Variants in IKZF4 observed in about 807,000 individuals in gnomAD.
The protein encoded by IKZF4 is zinc finger protein Eos.
IKZF4 carries 11 observed loss-of-function variants against 47.7 expected under a neutral mutation model. The ratio of observed to expected loss-of-function variants is 0.23; its 90% CI spans 0.15 to 0.38. The LOEUF (loss-of-function observed/expected upper bound fraction) is 0.38, where lower values mean the gene tolerates loss of function less well. IKZF4 is among the 10% of genes least tolerant of loss of function. IKZF4 has a pLI of 1.00. For missense variants in IKZF4, 557 were observed against 784.9 expected, an observed-to-expected ratio of 0.71 and a Z score of 3.47; for synonymous variants, 298 against 299.4, an observed-to-expected ratio of 1.00 and a Z score of 0.05.
intron 5 of IKZF4, among the ~76,000 whole-genome samples, chr12:56,031,229 C>A (rs1894868328): frequency 6.6e-6 from 1 of 151,942 alleles, no homozygotes. Context: ...CCAGCCTAGG[C>A]AACAGAGTAA....
intron 1 of IKZF4, chr12:56,010,699 C>G: frequency 6.6e-6 from 1 of 152,160 alleles, no homozygotes; most frequent in East Asian, 1.9e-4. Flanking sequence ...GTAACTTGGA[C>G]TCTACATGTC....
Position 56,033,340 on chromosome 12 carries a change from A to G in IKZF4, c.997+19A>G. 6.2e-7 allele frequency: 1 copy of G among 1,613,750 alleles called. No homozygotes were observed. The highest frequency in any genetic ancestry group is 8.5e-7 in the Non-Finnish European group (1 of 1,179,722). Reference sequence around the variant, plus strand: ...TTTGTAGGTAAGAATCCAGTTGGAAAGACGTATCAGCTTTAAGCCACAGCT... The same window carrying G: ...TTTGTAGGTAAGAATCCAGTTGGAAGGACGTATCAGCTTTAAGCCACAGCT... On this transcript the variant is annotated intron_variant, in intron 7 of 7. Transcript: ENST00000547167.
At chr12:56,031,453 GT>G (rs965931142) in intron 5 of IKZF4, among the ~76,000 whole-genome samples, 3 of 152,100 alleles carry the variant, frequency 2.0e-5, no homozygotes, top group Non-Finnish European at 4.4e-5. Context: ...ATGTTAAACT[GT>G]TTCCCCAAGG....
Position 56,021,103 on chromosome 12 carries a change from G to T in IKZF4, c.-391G>T. On this transcript the variant is annotated 5_prime_UTR_variant, in exon 1 of 8. Transcript: ENST00000547167. Reference sequence around the variant, plus strand: ...TCCTCTTTGTCTGCTGGGCACGAGGGGCAACAGCATCTGCCTTTCCCTCCC... The same window carrying T: ...TCCTCTTTGTCTGCTGGGCACGAGGTGCAACAGCATCTGCCTTTCCCTCCC... 7.3e-7 allele frequency: 1 copy of T among 1,366,002 alleles called. No homozygotes were observed. Among genetic ancestry groups the T allele is most frequent in the Admixed American group, 3.3e-5 (1 of 30,574 alleles). 84.6% of individuals were successfully genotyped at this position (1,366,002 alleles called of 1,614,324 possible).
chr12:56,011,099 C>A (rs979865462), intron 1 of IKZF4: 2 of 152,196 alleles, frequency 1.3e-5, no homozygotes, highest in African/African-American at 4.8e-5. Flanking sequence ...AGTGCTAACC[C>A]TGTTTTGGGC....
Position 56,034,724 on chromosome 12 carries a change from T to C in IKZF4, c.1151T>C (p.Leu384Pro). The change falls in exon 8 of 8, where the codon CTC (leucine) becomes CCC (proline). Residue 384 changes from leucine to proline, a missense_variant. Coordinates refer to ENST00000547167, the MANE Select transcript of IKZF4 (RefSeq NM_022465.4). ...GTGGGTGCAGAGCATCTGCGTCCCC[T>C]CCGCCTTCCACCCACCAATTGCATC... ...AFVGAEHLRP[L>P]RLPPTNCISE... is the part of the protein sequence containing the mutation. 6.2e-7 allele frequency: 1 copy of C among 1,614,016 alleles called. No individual in the cohort carries two copies.
At chr12:56,009,514 C>T (rs11837183) in intron 1 of IKZF4, among the ~76,000 whole-genome samples, 10,989 of 152,170 alleles carry the variant, frequency 0.072, 1,336 homozygotes, top group African/African-American at 0.25. Context: ...CCAGAGAATC[C>T]AGACAGACCC....
At chr12:56,022,638 C>A (rs181186276) in intron 1 of IKZF4, among the ~76,000 whole-genome samples, 1 of 152,094 alleles carries the variant, frequency 6.6e-6, no homozygotes, top group Non-Finnish European at 1.5e-5. Context: ...ATTTTAGCCC[C>A]ATGAAAGTAG....
Position 56,021,735 on chromosome 12 carries a change from G to A in IKZF4, c.87+155G>A, listed in dbSNP as rs903079213. The A allele has an allele frequency of 3.3e-5, 30 of 917,396 alleles. No individual in the cohort carries two copies. The East Asian group carries it at 5.3e-4, about 16-fold the overall frequency. The allele number at this position is 917,396 out of a possible 1,614,324, so 56.8% of individuals were successfully genotyped here. ...GTGTGTGTGTGTGTGTGTGTGTAGC[G>A]GGGGAGGGGGCGTTCCTCCTTATAC... On this transcript the variant is annotated intron_variant, in intron 1 of 7. Coordinates refer to ENST00000547167, the MANE Select transcript of IKZF4 (RefSeq NM_022465.4).
At chr12:56,011,010 CTT>C (rs1238029261) in intron 1 of IKZF4, 1 of 152,198 alleles carries the variant, frequency 6.6e-6, no homozygotes, top group Non-Finnish European at 1.5e-5. Flanking sequence ...GTTCCTGTCT[CTT>C]CTACATTTTT....
In IKZF4 at chr12:56,021,463, G is replaced by A; in HGVS notation, c.-31G>A. 8 of 1,573,438 alleles carry A rather than the reference G, an allele frequency of 5.1e-6. No individual in the cohort carries two copies. The highest frequency in any genetic ancestry group is 6.9e-6 in the Non-Finnish European group (8 of 1,160,828). ...CGCTTCCTGGAAGGTGAGTGGCTGG[G>A]CTCACCCCTGCCTGCCACTGAGACG... On this transcript the variant is annotated 5_prime_UTR_variant, in exon 1 of 8. Transcript: ENST00000547167.
intron 1 of IKZF4, among the ~76,000 whole-genome samples, chr12:56,022,926 A>C (rs1305053245): frequency 6.6e-6 from 1 of 151,086 alleles, no homozygotes. Flanking sequence ...CAGCCTCCCG[A>C]GTAGCTGGGA....
At chr12:56,023,919 T>C in intron 2 of IKZF4, 155 bp downstream of exon 2, 4 of 985,408 alleles carry the variant, frequency 4.1e-6, no homozygotes, top group Non-Finnish European at 4.8e-6. Context: ...TGCATGTTCA[T>C]GTTAGCAGAT....
chr12:56,027,454 CCTTCT>C (rs1472827237), intron 4 of IKZF4, among the ~76,000 whole-genome samples: 1 of 152,058 alleles, frequency 6.6e-6, no homozygotes, highest in African/African-American at 2.4e-5. Flanking sequence ...AAAACAAAAG[CCTTCT>C]CTTCTCAGCT....
chr12:56,020,551 G>A (rs543309329), upstream of IKZF4, among the ~76,000 whole-genome samples: 4 of 152,196 alleles, frequency 2.6e-5, no homozygotes, highest in Non-Finnish European at 5.9e-5. Flanking sequence ...CTTGGAATCA[G>A]AAAATGTAGT....
In IKZF4 at chr12:56,021,136, A is replaced by G; in HGVS notation, c.-358A>G. 7.2e-7 allele frequency: 1 copy of G among 1,398,496 alleles called. No homozygotes were observed. Among genetic ancestry groups the G allele is most frequent in the Non-Finnish European group, 9.3e-7 (1 of 1,078,136 alleles). 86.6% of individuals were successfully genotyped at this position (1,398,496 alleles called of 1,614,324 possible). A position where few individuals can be genotyped will look rare whatever the true frequency, so the allele number is the denominator to read the frequency against. On this transcript the variant is annotated 5_prime_UTR_variant, in exon 1 of 8. Transcript: ENST00000547167. ...CATCTGCCTTTCCCTCCCTGTGCAC[A>G]CACCCACCACCCACCCCCTTCACTG...
chr12:56,012,152 GAAT>G (rs1891397630), intron 2 of IKZF4, among the ~76,000 whole-genome samples: 1 of 151,744 alleles, frequency 6.6e-6, no homozygotes, highest in African/African-American at 2.4e-5. Flanking sequence ...TATAGTTTGG[GAAT>G]AATAACAAAA....
At chr12:56,017,223 T>TCCC (rs143740090), upstream of IKZF4, among the ~76,000 whole-genome samples, 5 of 122,436 alleles carry the variant, frequency 4.1e-5, no homozygotes, top group African/African-American at 9.8e-5. Context: ...AAATTCAGAC[T>TCCC]CCCCCCCCGC....
At position 56,027,787 on chromosome 12, in the gene IKZF4, G is replaced by A; in HGVS notation, c.555G>A (p.Arg185=). The A allele has an allele frequency of 6.2e-7, 1 of 1,612,742 alleles. No individual in the cohort carries two copies. The highest frequency in any genetic ancestry group is 8.5e-7 in the Non-Finnish European group (1 of 1,179,316). ...TTGTTCTTTCACTTGCAGGTGAAAG[G>A]CCCTTCCATTGCAACCAGTGTGGTG... ...MVHKRSHTGE[R]PFHCNQCGAS... Residue 185 remains arginine, a synonymous_variant, in exon 5 of 8, where the codon AGG becomes AGA. Coordinates refer to ENST00000547167, the MANE Select transcript of IKZF4 (RefSeq NM_022465.4).
Sources: allele counts gnomAD v4.1 joint callset (sites outside exome capture counted in the v4.1 genomes callset), GRCh38; gene constraint gnomAD v4.1.1; transcripts MANE v1.5; gene names NCBI Gene and HGNC (gene_info 2026-07-23, HGNC 2026-07-21).